Variants in SRC observed in about 807,000 individuals in gnomAD.
SRC encodes the protein SRC proto-oncogene, non-receptor tyrosine kinase, also known as proto-oncogene tyrosine-protein kinase Src.
In SRC, 13 loss-of-function variants were observed where a neutral mutation model predicts 62.9. That is an observed-to-expected ratio of 0.21 (90% CI 0.13 to 0.33). SRC has a LOEUF of 0.33. SRC is among the 10% of genes least tolerant of loss of function. The probability of loss-of-function intolerance (pLI) is 1.00; values close to 1 mark genes in which losing one functional copy is unlikely to be tolerated. For missense variants in SRC, 457 were observed against 737.3 expected (o/e 0.62, Z 4.40); for synonymous variants, 302 against 317.5 (o/e 0.95, Z 0.52).
At chr20:37,346,541 A>G (rs935598890) in intron 1 of SRC, among the ~76,000 whole-genome samples, 1 of 151,726 alleles carries the variant, frequency 6.6e-6, no homozygotes, top group Admixed American at 6.5e-5. Context: ...TGCTCCCCAT[A>G]GGATCCCCCA....
rs568220307 is a variant in SRC, at chr20:37,352,215, C to T, written c.-247+5960C>T. On this transcript the variant is annotated intron_variant, in intron 1 of 13. Coordinates refer to ENST00000373578, the MANE Select transcript of SRC (RefSeq NM_198291.3). The stretch of plus-strand genomic sequence containing the variant: ...GCTTTGACAAGATGGCATGAAGATC[C>T]GATGAGCCAATGTGTGCCAAGTGCT... 4.2e-4 allele frequency among the ~76,000 whole-genome samples: 64 copies of T among 152,308 alleles called. 1 individual carries two copies. Among genetic ancestry groups the T allele is most frequent in the South Asian group, 8.3e-4 (4 of 4,824 alleles).
intron 2 of SRC, among the ~76,000 whole-genome samples, chr20:37,380,118 G>A (rs2070344230): frequency 6.6e-6 from 1 of 152,054 alleles, no homozygotes; most frequent in Admixed American, 6.6e-5. Context: ...TGGAAAGTGG[G>A]GGCCACAGTG....
intron 5 of SRC, among the ~76,000 whole-genome samples, chr20:37,386,714 T>G (rs773409500): frequency 1.4e-4 from 21 of 152,144 alleles, no homozygotes; most frequent in Non-Finnish European, 2.6e-4. Context: ...CCATCCACCT[T>G]CCTACTCACT....
intron 2 of SRC, among the ~76,000 whole-genome samples, chr20:37,368,469 CAAAA>C (rs1309552216): frequency 8.0e-6 from 1 of 125,716 alleles, no homozygotes; most frequent in Non-Finnish European, 1.7e-5. Flanking sequence ...ACCAAACAAA[CAAAA>C]AAAGAAATCA....
intron 10 of SRC, 147 bp from the exon 11 acceptor site, chr20:37,401,451 CTGAG>C: frequency 1.7e-6 from 1 of 579,090 alleles, no homozygotes; most frequent in East Asian, 3.1e-5. Context: ...GTGACAAGCA[CTGAG>C]TGAGACTTTA....
At chr20:37,361,823 GC>G (rs2069976233) in intron 1 of SRC, among the ~76,000 whole-genome samples, 1 of 48,394 alleles carries the variant, frequency 2.1e-5, no homozygotes, top group African/African-American at 2.2e-4. Flanking sequence ...GTCTCTGTGT[GC>G]AGGTAGAGAT....
At chr20:37,381,893 C>G (rs8117148) in intron 2 of SRC, among the ~76,000 whole-genome samples, 246 of 152,274 alleles carry the variant, frequency 1.6e-3, no homozygotes, top group Non-Finnish European at 3.0e-3. Flanking sequence ...CAGGTCTCCC[C>G]AGGGCCTCCC....
At chr20:37,378,993 G>A (rs1449844433) in intron 2 of SRC, among the ~76,000 whole-genome samples, 1 of 147,298 alleles carries the variant, frequency 6.8e-6, no homozygotes, top group African/African-American at 2.5e-5. Context: ...AGGGGTTGTC[G>A]CTGAGTCAGT....
chr20:37,386,252 G>T, intron 5 of SRC, 78 bp downstream of exon 5: 1 of 1,373,160 alleles, frequency 7.3e-7, no homozygotes, highest in South Asian at 1.2e-5. Context: ...TGCAGGATCT[G>T]GCATCAGGGC....
chr20:37,401,933 G>A (rs1160553648), intron 11 of SRC: 18 of 443,430 alleles, frequency 4.1e-5, no homozygotes, highest in South Asian at 4.0e-4. Flanking sequence ...CTCAGTTGTC[G>A]TCTCTGTAAA....
At chr20:37,350,127 A>T (rs2069781219) in intron 1 of SRC, among the ~76,000 whole-genome samples, 1 of 151,320 alleles carries the variant, frequency 6.6e-6, no homozygotes, top group African/African-American at 2.4e-5. Flanking sequence ...GATTCCCACA[A>T]CCCTTTCCTT....
At chr20:37,391,311 C>T (rs1216522905) in intron 5 of SRC, among the ~76,000 whole-genome samples, 2 of 152,216 alleles carry the variant, frequency 1.3e-5, no homozygotes, top group East Asian at 3.8e-4. Flanking sequence ...CTCTCTGGGG[C>T]CTGGGGAGGC....
intron 5 of SRC, among the ~76,000 whole-genome samples, chr20:37,388,701 C>T (rs1011090892): frequency 9.9e-5 from 15 of 152,006 alleles, no homozygotes; most frequent in African/African-American, 2.7e-4. Context: ...GAGCCATGAT[C>T]GTGCTACTGC....
intron 5 of SRC, among the ~76,000 whole-genome samples, chr20:37,387,512 C>T (rs970544244): frequency 9.0e-5 from 13 of 144,730 alleles, no homozygotes; most frequent in Non-Finnish European, 1.5e-4. Flanking sequence ...GGATTGGAAC[C>T]GAAGCAGCAA....
At chr20:37,345,797 C>G (rs765065597), upstream of SRC, among the ~76,000 whole-genome samples, 5 of 143,076 alleles carry the variant, frequency 3.5e-5, no homozygotes, top group Non-Finnish European at 7.6e-5. Flanking sequence ...AGAGGCGGAT[C>G]TGGGGCGTAG....
rs994561891 is a variant in SRC at position 37,396,683 on chromosome 20, C to T, written c.703+372C>T. 10 of 221,016 alleles carry T rather than the reference C, an allele frequency of 4.5e-5. No individual in the cohort carries two copies. The highest frequency in any genetic ancestry group is 7.2e-5 in the Non-Finnish European group (8 of 110,680). 13.7% of individuals were successfully genotyped at this position (221,016 alleles called of 1,614,324 possible). On this transcript the variant is annotated intron_variant, in intron 8 of 13. Transcript: ENST00000373578. This position sits in a 1 kb window ranked among gnomAD's most constrained non-coding sequence, Gnocchi z 6.1. Reference sequence around the variant, plus strand: ...CTGTAGCCCTAGGACCGGTCTGAACCGGTTGCTGGGAGAGGAGGAGGGGGC... The same window carrying T: ...CTGTAGCCCTAGGACCGGTCTGAACTGGTTGCTGGGAGAGGAGGAGGGGGC...
chr20:37,358,831 G>A (rs1241819606), intron 1 of SRC, among the ~76,000 whole-genome samples: 4 of 152,230 alleles, frequency 2.6e-5, no homozygotes, highest in Non-Finnish European at 5.9e-5. Flanking sequence ...GCCGGTGTCC[G>A]CCCCGGCCTG....
chr20:37,393,123 G>T (rs957892335), intron 5 of SRC, among the ~76,000 whole-genome samples: 1 of 151,908 alleles, frequency 6.6e-6, no homozygotes, highest in Non-Finnish European at 1.5e-5. Context: ...CCTCACTTTC[G>T]CATAGAAGTG....
In SRC at chr20:37,400,517, C is replaced by T. The variant is rs550240598; in HGVS notation, c.1039+223C>T. Reference sequence around the variant, plus strand: ...TCTCCCACCTCAGCCACCCAAGTAGCTGGGACCACAGGTGTGTGTCACCAG... The same window carrying T: ...TCTCCCACCTCAGCCACCCAAGTAGTTGGGACCACAGGTGTGTGTCACCAG... On this transcript the variant is annotated intron_variant, in intron 10 of 13. Coordinates refer to ENST00000373578, the MANE Select transcript of SRC (RefSeq NM_198291.3). Among the ~76,000 whole-genome samples the T allele has an allele frequency of 7.2e-5, 11 of 152,258 alleles. No homozygotes were observed. In the East Asian group the frequency reaches 1.7e-3, roughly 24 times the overall value.
Sources: gnomAD v4.1 joint callset for allele counts (sites outside exome capture counted in the v4.1 genomes callset) on GRCh38, gnomAD v4.1.1 for gene constraint, Gnocchi (gnomAD v3.1) non-coding constraint, MANE v1.5 for transcripts, NCBI Gene and HGNC (gene_info 2026-07-23, HGNC 2026-07-21) for gene names.